The following ZFYVE9 variants were observed in gnomAD, a reference collection of about 807,000 sequenced individuals.
ZFYVE9 encodes the protein zinc finger FYVE-type containing 9, also known as zinc finger FYVE domain-containing protein 9.
A neutral mutation model predicts 126.7 loss-of-function variants in ZFYVE9; 43 were observed. The ratio of observed to expected loss-of-function variants is 0.34; its 90% CI spans 0.27 to 0.44. The LOEUF is 0.44. ZFYVE9 is among the 20% of genes least tolerant of loss of function. The pLI, the probability that ZFYVE9 is intolerant of heterozygous loss-of-function variation, is 1.00. For missense variants in ZFYVE9, 1,476 were observed against 1,697.0 expected (o/e 0.87, Z 2.29); for synonymous variants, 521 against 597.4 (o/e 0.87, Z 1.87).
intron 5 of ZFYVE9, among the ~76,000 whole-genome samples, chr1:52,266,210 G>A (rs1459301489): frequency 6.6e-6 from 1 of 151,686 alleles, no homozygotes; most frequent in African/African-American, 2.4e-5. Context: ...CCATTCTCCT[G>A]CCTCAGCCTC....
intron 1 of ZFYVE9, chr1:52,162,267 G>C (rs747194695): frequency 5.6e-5 from 18 of 320,920 alleles, no homozygotes; most frequent in Non-Finnish European, 8.3e-5. Context: ...CTTCTGTACC[G>C]GTAATCATAG....
intron 15 of ZFYVE9, chr1:52,335,005 G>A (rs1418207905): frequency 2.8e-6 from 1 of 356,158 alleles, no homozygotes; most frequent in Non-Finnish European, 5.2e-6. Context: ...CTGGGATAAG[G>A]TACCTGAGGG....
chr1:52,208,267 G>T (rs1463803699), intron 1 of ZFYVE9, among the ~76,000 whole-genome samples: 2 of 152,168 alleles, frequency 1.3e-5, no homozygotes, highest in African/African-American at 4.8e-5. Flanking sequence ...CTTCATAAAA[G>T]ATGTTCATTT....
chr1:52,298,803 A>AAT (rs1646002719), intron 12 of ZFYVE9, among the ~76,000 whole-genome samples: 2 of 143,818 alleles, frequency 1.4e-5, no homozygotes, highest in African/African-American at 5.4e-5. Context: ...TTCCTTTGTC[A>AAT]ATGTTTTTTT....
At chr1:52,269,794 G>GTT (rs201237685) in intron 7 of ZFYVE9, among the ~76,000 whole-genome samples, 2 of 143,958 alleles carry the variant, frequency 1.4e-5, no homozygotes, top group East Asian at 4.0e-4. Context: ...GTTTGTTTTG[G>GTT]TTTTTTTTTT....
chr1:52,179,544 G>T (rs770761056), intron 1 of ZFYVE9, among the ~76,000 whole-genome samples: 10 of 152,106 alleles, frequency 6.6e-5, no homozygotes, highest in Non-Finnish European at 1.3e-4. Context: ...TGAGGCAGGA[G>T]AATCTTTTGA....
At chr1:52,223,429 C>T (rs148473522) in intron 2 of ZFYVE9, among the ~76,000 whole-genome samples, 1 of 152,226 alleles carries the variant, frequency 6.6e-6, no homozygotes, top group Non-Finnish European at 1.5e-5. Context: ...ATAATCTTTG[C>T]CTTTTGCTTC....
intron 17 of ZFYVE9, among the ~76,000 whole-genome samples, chr1:52,340,871 A>C (rs1269529810): frequency 7.3e-6 from 1 of 137,626 alleles, no homozygotes; most frequent in African/African-American, 2.8e-5. Flanking sequence ...ACTGCACTCC[A>C]TCCAGCCTAG....
rs747544817 is a variant in ZFYVE9, at chr1:52,298,806, G to GTTTT, written c.3333+2847_3333+2850dup. ...CATGGAATCAGTTTCCTTTGTCAAT[G>GTTTT]TTTTTTTTTTTTTTTTTTTTTGAGA... On this transcript the variant is annotated intron_variant, in intron 12 of 18. Coordinates refer to ENST00000287727, the MANE Select transcript of ZFYVE9 (RefSeq NM_004799.4). Among the ~76,000 whole-genome samples, 247 of 109,154 alleles carry GTTTT rather than the reference G, an allele frequency of 2.3e-3. 3 individuals are homozygous for GTTTT. The highest frequency in any genetic ancestry group is 3.0e-3 in the Non-Finnish European group (165 of 54,958). 71.6% of individuals were successfully genotyped at this position (109,154 alleles called of 152,430 possible).
intron 12 of ZFYVE9, among the ~76,000 whole-genome samples, chr1:52,301,327 G>A (rs1157962768): frequency 9.1e-6 from 1 of 109,920 alleles, no homozygotes; most frequent in Admixed American, 1.2e-4. Context: ...TTGGAAATAG[G>A]GTCTCACTCT....
At chr1:52,156,148 G>A (rs1365764017) in intron 1 of ZFYVE9, among the ~76,000 whole-genome samples, 1 of 152,158 alleles carries the variant, frequency 6.6e-6, no homozygotes, top group African/African-American at 2.4e-5. Flanking sequence ...TTTATTGTTT[G>A]TTCCATGTGA....
intron 4 of ZFYVE9, among the ~76,000 whole-genome samples, chr1:52,249,834 G>A (rs1457016692): frequency 6.6e-6 from 1 of 152,116 alleles, no homozygotes; most frequent in African/African-American, 2.4e-5. Context: ...TTTTGAATGT[G>A]GATATCTGGT....
chr1:52,202,310 C>T (rs1644930923), intron 1 of ZFYVE9, among the ~76,000 whole-genome samples: 1 of 151,126 alleles, frequency 6.6e-6, no homozygotes, highest in African/African-American at 2.4e-5. Flanking sequence ...GACAGTGTCT[C>T]ACTCTTTTGC....
intron 9 of ZFYVE9, among the ~76,000 whole-genome samples, chr1:52,279,703 G>C (rs770606544): frequency 6.6e-6 from 1 of 152,044 alleles, no homozygotes; most frequent in African/African-American, 2.4e-5. Context: ...TCCTGAACTC[G>C]AGTGATCTGC....
intron 1 of ZFYVE9, among the ~76,000 whole-genome samples, chr1:52,144,254 C>T (rs1239966933): frequency 2.6e-5 from 4 of 152,062 alleles, no homozygotes; most frequent in African/African-American, 7.2e-5. Context: ...GGGAGGCAGA[C>T]GTTGCAGTGA....
chr1:52,242,533 C>T (rs1450527075), intron 4 of ZFYVE9, among the ~76,000 whole-genome samples: 1 of 151,700 alleles, frequency 6.6e-6, no homozygotes, highest in East Asian at 1.9e-4. Flanking sequence ...TTTCTTAATG[C>T]AGCAGTACTT....
At chr1:52,342,194 T>G (rs1646443186) in intron 17 of ZFYVE9, among the ~76,000 whole-genome samples, 1 of 152,130 alleles carries the variant, frequency 6.6e-6, no homozygotes, top group South Asian at 2.1e-4. Flanking sequence ...GTAAGTTCCT[T>G]ATGGAGCAGT....
In ZFYVE9 at chr1:52,216,849, T is replaced by C. The variant is rs1407931149; in HGVS notation, c.-37+375T>C. Among the ~76,000 whole-genome samples, 3 of 152,196 alleles carry C rather than the reference T, an allele frequency of 2.0e-5. No individual in the cohort carries two copies. In the South Asian group the frequency reaches 6.2e-4, roughly 32 times the overall value. The stretch of plus-strand genomic sequence containing the variant: ...GGGGAATCAGAAATGTAAATTTAAT[T>C]ATGTTATTTTATTTTGTATTTTTAG... On this transcript the variant is annotated intron_variant, in intron 2 of 18. Transcript: ENST00000287727.
intron 13 of ZFYVE9, among the ~76,000 whole-genome samples, chr1:52,311,424 C>G (rs1262427843): frequency 6.6e-6 from 1 of 152,010 alleles, no homozygotes; most frequent in African/African-American, 2.4e-5. Flanking sequence ...ACCACCACGC[C>G]CAGCTAATTT....
Sources: gnomAD v4.1 joint callset for allele counts (sites outside exome capture counted in the v4.1 genomes callset) on GRCh38, gnomAD v4.1.1 for gene constraint, MANE v1.5 for transcripts, NCBI Gene and HGNC (gene_info 2026-07-23, HGNC 2026-07-21) for gene names.